Variants in MDN1 observed in about 807,000 individuals in gnomAD.
MDN1 encodes midasin.
Under a neutral mutation model 669.2 loss-of-function variants are expected in MDN1, and 266 were observed. The ratio of observed to expected loss-of-function variants is 0.40; its 90% CI spans 0.36 to 0.44. The LOEUF is 0.44. Among genes scored for constraint, MDN1 ranks in the 20% least tolerant of loss-of-function variants. The probability of loss-of-function intolerance (pLI) is 1.00; values close to 1 mark genes in which losing one functional copy is unlikely to be tolerated. For missense variants in MDN1, 5,940 were observed against 6,754.0 expected, an observed-to-expected ratio of 0.88 and a Z score of 4.22; for synonymous variants, 2,385 against 2,457.1, an observed-to-expected ratio of 0.97 and a Z score of 0.87.
intron 1 of MDN1, among the ~76,000 whole-genome samples, chr6:89,804,111 T>C (rs1481671513): frequency 1.3e-5 from 2 of 151,596 alleles, no homozygotes; most frequent in Non-Finnish European, 2.9e-5. Flanking sequence ...GGTTTCACCA[T>C]GTTGGCTAGG....
Position 89,739,285 on chromosome 6 carries a change from T to C in MDN1, c.4594-830A>G, listed in dbSNP as rs541994708. Among the ~76,000 whole-genome samples the C allele has an allele frequency of 4.6e-5, 7 of 152,324 alleles. No homozygotes were observed. In the East Asian group the frequency reaches 1.2e-3, roughly 25 times the overall value. ...AAGCATTGACTTGAGGAAAACAAGA[T>C]AAGATAATCTGACAGCCAAGCTAAT... On this transcript the variant is annotated intron_variant, in intron 32 of 101. Coordinates refer to ENST00000369393, the MANE Select transcript of MDN1 (RefSeq NM_014611.3).
At chr6:89,688,397 C>T (rs528700237) in intron 66 of MDN1, among the ~76,000 whole-genome samples, 176 bp downstream of exon 66, 1 of 152,270 alleles carries the variant, frequency 6.6e-6, no homozygotes, top group East Asian at 1.9e-4. Context: ...AAGAGAAATA[C>T]AAAACTGGTG....
rs774284782 is a variant in MDN1 at position 89,706,108 on chromosome 6, A to G, written c.8099T>C (p.Leu2700Pro). 76 of 1,613,300 alleles carry G rather than the reference A, an allele frequency of 4.7e-5. No homozygotes were observed. The highest frequency in any genetic ancestry group is 6.4e-5 in the Non-Finnish European group (75 of 1,179,480). Residue 2700 changes from leucine (L) to proline (P), a missense_variant, in exon 53 of 102, where the codon CTC becomes CCC. Around this residue, in one of 5 missense-constraint regions of MDN1, gnomAD observed 2,292 missense variants for 2,638.3 expected, o/e 0.87. Coordinates refer to ENST00000369393, the MANE Select transcript of MDN1 (RefSeq NM_014611.3). ...CATTCCCTGGGAGGACTGTACCCAG[A>G]GCAGGACTAGTGCATCACAAAGTTC... Reference protein sequence around the residue: ...FFELCDALVLLWVQSSQGMVS... With the variant: ...FFELCDALVLPWVQSSQGMVS...
Position 89,714,684 on chromosome 6 carries a change from T to C in MDN1, c.6928A>G (p.Ile2310Val). 1 of 1,614,162 alleles carries C rather than the reference T, an allele frequency of 6.2e-7. No homozygotes were observed. Among genetic ancestry groups the C allele is most frequent in the East Asian group, 2.2e-5 (1 of 44,888 alleles). ...SRAMRNRGLE[I>V]YISGEGDAST... ...GCATCCCCTTCCCCTGAAATGTAGA[T>C]TTCAAGTCCACGATTCCTCATAGCT... The change falls in exon 46 of 102, where the codon ATC becomes GTC. Residue 2310 changes from isoleucine to valine, a missense_variant. This residue lies in a region of MDN1 where 2,292 missense variants were observed against 2,638.3 expected (regional missense o/e 0.87). Coordinates refer to ENST00000369393, the MANE Select transcript of MDN1 (RefSeq NM_014611.3).
At chr6:89,731,055 G>C (rs1322903973) in intron 34 of MDN1, 132 bp from the exon 35 acceptor site, 1 of 683,092 alleles carries the variant, frequency 1.5e-6, no homozygotes, top group Non-Finnish European at 2.5e-6. Context: ...GTGATTTCTA[G>C]TGTAAGCAGT....
chr6:89,794,240 A>G (rs1187146632), intron 3 of MDN1, 33 bp from the exon 4 acceptor site: 1 of 1,218,528 alleles, frequency 8.2e-7, no homozygotes, highest in Non-Finnish European at 1.2e-6. Flanking sequence ...AATTCAGTTT[A>G]TCTGCAGTTG....
chr6:89,790,645 T>C (rs1278324278), intron 5 of MDN1, among the ~76,000 whole-genome samples: 3 of 152,208 alleles, frequency 2.0e-5, no homozygotes, highest in East Asian at 1.9e-4. Flanking sequence ...AGTTCAAGGA[T>C]AGTAAGCCAT....
intron 45 of MDN1, among the ~76,000 whole-genome samples, chr6:89,715,395 T>A (rs1814283939): frequency 6.6e-6 from 1 of 152,182 alleles, no homozygotes; most frequent in Admixed American, 6.5e-5. Context: ...GGATCATGAC[T>A]GGTATCTCTG....
chr6:89,673,128 G>C, intron 80 of MDN1, 108 bp downstream of exon 80: 2 of 974,872 alleles, frequency 2.1e-6, no homozygotes, highest in Non-Finnish European at 3.1e-6. Flanking sequence ...CCCTGGACAG[G>C]TACATGTAGA....
In MDN1 at chr6:89,650,801, G is replaced by A. The variant is rs1314528074; in HGVS notation, c.15962C>T (p.Ala5321Val). ...EMWQSYLILT[A>V]PLSQRLCEEL... ...TTCACATAACCGTTGTGAAAGAGGC[G>A]CTGTTAAGATCAGGTAACTCTGCCA... is the stretch of plus-strand genomic sequence containing the variant. The change falls in exon 96 of 102, where the codon GCG (alanine) becomes GTG (valine). Residue 5321 changes from alanine (A) to valine (V), a missense_variant. Transcript: ENST00000369393. 12 of 1,614,010 alleles carry A rather than the reference G, an allele frequency of 7.4e-6. No individual in the cohort carries two copies. The highest frequency in any genetic ancestry group is 6.7e-5 in the African/African-American group (5 of 74,940).
Position 89,740,276 on chromosome 6 carries a change from A to G in MDN1, c.4551T>C (p.Ile1517=). ...ELLTAGKKFR[I]LATMNPGGDF... ...CACCCCCAGGGTTCATGGTTGCTAGAATACGAAATTTTTTCCCAGCAGTCA... is the reference window on the plus strand; with the variant it reads ...CACCCCCAGGGTTCATGGTTGCTAGGATACGAAATTTTTTCCCAGCAGTCA... Residue 1517 remains isoleucine (I), a synonymous_variant, in exon 32 of 102, where the codon ATT becomes ATC. Coordinates refer to ENST00000369393, the MANE Select transcript of MDN1 (RefSeq NM_014611.3). 1.2e-6 allele frequency: 2 copies of G among 1,611,930 alleles called. No homozygotes were observed. The highest frequency in any genetic ancestry group is 2.7e-5 in the African/African-American group (2 of 74,926).
chr6:89,658,169 C>CT (rs1809459367), intron 90 of MDN1, 40 bp downstream of exon 90: 12 of 1,611,590 alleles, frequency 7.4e-6, no homozygotes, highest in Non-Finnish European at 1.0e-5. Context: ...AGAGACCCTA[C>CT]TAAGAGGCAG....
At chr6:89,713,855 T>C (rs1010926559) in intron 46 of MDN1, among the ~76,000 whole-genome samples, 2 of 151,778 alleles carry the variant, frequency 1.3e-5, no homozygotes, top group Non-Finnish European at 2.9e-5. Context: ...GAGACCACAG[T>C]GAAACCCTGT....
At position 89,738,446 on chromosome 6, in the gene MDN1, C is replaced by G; in HGVS notation, c.4603G>C (p.Ala1535Pro). Residue 1535 changes from alanine (A) to proline (P), a missense_variant, in exon 33 of 102, where the codon GCC (alanine) becomes CCC (proline). This residue lies in a region of MDN1 where 2,292 missense variants were observed against 2,638.3 expected (regional missense o/e 0.87). Coordinates refer to ENST00000369393, the MANE Select transcript of MDN1 (RefSeq NM_014611.3). ...GDFGKKELSPALRNRFTEIWC... is the reference protein window; with the variant it reads ...GDFGKKELSPPLRNRFTEIWC... Reference sequence around the variant, plus strand: ...ATTTCTGTAAACCGGTTTCTTAAGGCAGGAGACAGCTATAAGAAACACAAA... The same window carrying G: ...ATTTCTGTAAACCGGTTTCTTAAGGGAGGAGACAGCTATAAGAAACACAAA... The G allele has an allele frequency of 3.1e-6, 5 of 1,614,004 alleles. No homozygotes were observed. The highest frequency in any genetic ancestry group is 4.2e-6 in the Non-Finnish European group (5 of 1,179,940).
intron 17 of MDN1, 142 bp from the exon 18 acceptor site, chr6:89,759,102 A>C: frequency 1.3e-6 from 1 of 759,740 alleles, no homozygotes; most frequent in Non-Finnish European, 2.1e-6. Flanking sequence ...GGCTGACAGC[A>C]GATAGGCAGA....
In MDN1 at chr6:89,689,898, C is replaced by T. The variant is rs758965195; in HGVS notation, c.10995G>A (p.Ser3665=). The T allele has an allele frequency of 1.4e-5, 23 of 1,614,090 alleles. No individual in the cohort carries two copies. Among genetic ancestry groups the T allele is most frequent in the Non-Finnish European group, 1.7e-5 (20 of 1,180,006 alleles). The change falls in exon 65 of 102, where the codon TCG becomes TCA. Residue 3665 remains serine (S), a synonymous_variant. Transcript: ENST00000369393. The stretch of plus-strand genomic sequence containing the variant: ...TCAGGGGGTAGAAGTGTGTCACAAG[C>T]GATGCCCCAGTCTGATAGCAAGACA... The part of the protein sequence containing the change: ...LFLSCYQTGA[S]LVTHFYPLMG...
chr6:89,778,932 A>AAATAAATAAAT (rs202203285), intron 11 of MDN1, among the ~76,000 whole-genome samples: 1 of 133,998 alleles, frequency 7.5e-6, no homozygotes, highest in Non-Finnish European at 1.5e-5. Context: ...ATAAATAAAT[A>AAATAAATAAAT]AAAAAAAAGG....
intron 65 of MDN1, 38 bp from the exon 66 acceptor site, chr6:89,688,846 G>C (rs1812194307): frequency 6.5e-7 from 1 of 1,537,456 alleles, no homozygotes; most frequent in Non-Finnish European, 9.0e-7. Flanking sequence ...AGTGAATTCA[G>C]TAAGTTGATC....
chr6:89,747,588 C>T, intron 26 of MDN1, 118 bp from the exon 27 acceptor site: 1 of 1,193,380 alleles, frequency 8.4e-7, no homozygotes, highest in Non-Finnish European at 1.1e-6. Flanking sequence ...GATTTCATTC[C>T]ACTGAATAAG....
Sources: allele counts gnomAD v4.1 joint callset (sites outside exome capture counted in the v4.1 genomes callset), GRCh38; gene constraint gnomAD v4.1.1; regional missense constraint gnomAD v4.1.1; transcripts MANE v1.5; gene names NCBI Gene and HGNC (gene_info 2026-07-23, HGNC 2026-07-21).